KCND3: variants seen among roughly 807,000 people sequenced by gnomAD.
KCND3 encodes A-type voltage-gated potassium channel KCND3.
In KCND3, 9 loss-of-function variants were observed where a neutral mutation model predicts 51.1. The ratio of observed to expected loss-of-function variants is 0.18; its 90% confidence interval spans 0.11 to 0.31. KCND3 has a LOEUF of 0.31. Ranked by LOEUF, KCND3 falls within the 10% of genes least tolerant of loss-of-function variation. The pLI, the probability that KCND3 is intolerant of heterozygous loss-of-function variation, is 1.00. For synonymous variants in KCND3, 349 were observed against 368.0 expected, an observed-to-expected ratio of 0.95 and a Z score of 0.59; for missense variants, 526 against 903.8, an observed-to-expected ratio of 0.58 and a Z score of 5.36.
intron 2 of KCND3, among the ~76,000 whole-genome samples, chr1:111,939,762 A>C (rs1431623387): frequency 6.6e-6 from 1 of 152,160 alleles, no homozygotes; most frequent in African/African-American, 2.4e-5. Flanking sequence ...TGCTGGGTCA[A>C]ATGGTATTTC....
chr1:111,822,778 T>C (rs1666409219), intron 2 of KCND3, among the ~76,000 whole-genome samples: 1 of 152,232 alleles, frequency 6.6e-6, no homozygotes. Context: ...TTATGTTTAA[T>C]TTTTTGAAAC....
chr1:111,877,193 T>A (rs1669086959), intron 2 of KCND3, among the ~76,000 whole-genome samples: 1 of 152,250 alleles, frequency 6.6e-6, no homozygotes, highest in African/African-American at 2.4e-5. Context: ...TTTAAGTGAA[T>A]TCATACTGAG....
intron 2 of KCND3, among the ~76,000 whole-genome samples, chr1:111,830,446 T>C (rs1047275110): frequency 6.6e-6 from 1 of 152,074 alleles, no homozygotes; most frequent in Non-Finnish European, 1.5e-5. Context: ...AAGCCAGTGG[T>C]TTTTCCCGCC....
intron 2 of KCND3, among the ~76,000 whole-genome samples, chr1:111,916,469 C>T (rs941423909): frequency 6.6e-6 from 1 of 151,928 alleles, no homozygotes; most frequent in Non-Finnish European, 1.5e-5. Flanking sequence ...GGAAAATAAA[C>T]AAGTCTCAAA....
intron 2 of KCND3, among the ~76,000 whole-genome samples, chr1:111,951,344 A>C (rs1673055362): frequency 6.6e-6 from 1 of 151,930 alleles, no homozygotes. Context: ...CTCCTGCACC[A>C]CCTTGCCCAT....
At chr1:111,893,054 A>T (rs867016588) in intron 2 of KCND3, among the ~76,000 whole-genome samples, 6 of 152,252 alleles carry the variant, frequency 3.9e-5, no homozygotes, top group Non-Finnish European at 7.3e-5. Flanking sequence ...ACAGATGCTT[A>T]TTGAGCAGAT....
rs1387246229 is a variant in KCND3 at position 111,929,515 on chromosome 1, C to G, written c.1106+52106G>C. Among the ~76,000 whole-genome samples the G allele has an allele frequency of 3.9e-5, 6 of 152,212 alleles. No individual in the cohort carries two copies. In the East Asian group the frequency reaches 1.2e-3, roughly 29 times the overall value. ...ACTGACAGAAAACCCGGAGATGCAC[C>G]TCCTAATCGAAACTGTTCCTTTTTT... On this transcript the variant is annotated intron_variant, in intron 2 of 7. Coordinates refer to ENST00000302127, the MANE Select transcript of KCND3 (RefSeq NM_001378969.1).
chr1:111,776,954 A>G, intron 7 of KCND3, 72 bp downstream of exon 7: 1 of 1,606,534 alleles, frequency 6.2e-7, no homozygotes, highest in Non-Finnish European at 8.5e-7. Flanking sequence ...GGTTCTCCTA[A>G]TGCTGCAATT....
chr1:111,792,628 A>G (rs938854577), intron 2 of KCND3, among the ~76,000 whole-genome samples: 3 of 152,124 alleles, frequency 2.0e-5, no homozygotes, highest in African/African-American at 4.8e-5. Flanking sequence ...TAGCTGGGTG[A>G]CCTTGGCCAT....
At position 111,823,303 on chromosome 1, in the gene KCND3, GT is replaced by G. The variant is rs957851425; in HGVS notation, c.1107-36198del. ...AGTCTTTTCTTATCTAAATTTCATAGTTTTTTTTTCAACGGTTTCTCACAGT... is the reference window on the plus strand; with the variant it reads ...AGTCTTTTCTTATCTAAATTTCATAGTTTTTTTTCAACGGTTTCTCACAGT... On this transcript the variant is annotated intron_variant, in intron 2 of 7. Coordinates refer to ENST00000302127, the MANE Select transcript of KCND3 (RefSeq NM_001378969.1). Among the ~76,000 whole-genome samples the G allele has an allele frequency of 1.1e-3, 170 of 151,670 alleles. 3 individuals carry two copies. Among genetic ancestry groups the G allele is most frequent in the Non-Finnish European group, 2.7e-4 (18 of 67,860 alleles).
intron 7 of KCND3, among the ~76,000 whole-genome samples, chr1:111,776,680 C>T (rs140181826): frequency 5.3e-5 from 8 of 152,202 alleles, no homozygotes; most frequent in Admixed American, 1.3e-4. Context: ...AACACAGATA[C>T]GAAAACTGTT....
At chr1:111,801,270 G>A (rs1224990063) in intron 2 of KCND3, among the ~76,000 whole-genome samples, 1 of 152,236 alleles carries the variant, frequency 6.6e-6, no homozygotes, top group Non-Finnish European at 1.5e-5. Context: ...AGTCTGTGCA[G>A]CACAGGCAGC....
chr1:111,906,116 G>A (rs905359940), intron 2 of KCND3, among the ~76,000 whole-genome samples: 1 of 152,230 alleles, frequency 6.6e-6, no homozygotes, highest in Admixed American at 6.5e-5. Flanking sequence ...CATTCTCAAG[G>A]GTGGTGTAGG....
chr1:111,914,518 T>C (rs2101822746), intron 2 of KCND3, among the ~76,000 whole-genome samples: 1 of 152,038 alleles, frequency 6.6e-6, no homozygotes, highest in African/African-American at 2.4e-5. Flanking sequence ...AGTGATAAAA[T>C]CTTAAAAGCA....
intron 2 of KCND3, among the ~76,000 whole-genome samples, chr1:111,827,595 T>C (rs1475979891): frequency 6.6e-6 from 1 of 152,216 alleles, no homozygotes; most frequent in African/African-American, 2.4e-5. Flanking sequence ...AGCGCTGGAC[T>C]AAGAACTTTA....
intron 2 of KCND3, among the ~76,000 whole-genome samples, chr1:111,852,707 G>A (rs1487002552): frequency 6.6e-6 from 1 of 152,178 alleles, no homozygotes. Flanking sequence ...CATAAAAAAT[G>A]AGCCAGCACC....
intron 2 of KCND3, among the ~76,000 whole-genome samples, chr1:111,964,898 C>G (rs1385185947): frequency 6.6e-6 from 1 of 152,146 alleles, no homozygotes; most frequent in Non-Finnish European, 1.5e-5. Context: ...TCATCCAGTT[C>G]ATCTGGTTCA....
intron 2 of KCND3, among the ~76,000 whole-genome samples, chr1:111,908,851 G>T (rs1670776674): frequency 1.3e-5 from 2 of 150,886 alleles, no homozygotes; most frequent in Admixed American, 1.3e-4. Flanking sequence ...AAGGAGGGGG[G>T]CAGACAAGAA....
intron 2 of KCND3, among the ~76,000 whole-genome samples, chr1:111,934,394 G>A (rs1422604681): frequency 6.6e-6 from 1 of 152,194 alleles, no homozygotes; most frequent in Non-Finnish European, 1.5e-5. Context: ...GCTTGCTAAG[G>A]AATCAGGGCA....
Sources: allele counts gnomAD v4.1 joint callset (sites outside exome capture counted in the v4.1 genomes callset), GRCh38; gene constraint gnomAD v4.1.1; transcripts MANE v1.5; gene names NCBI Gene and HGNC (gene_info 2026-07-23, HGNC 2026-07-21).